Variants in WASHC5 observed in about 807,000 individuals in gnomAD.
WASHC5 encodes WASH complex subunit 5.
A neutral mutation model predicts 150.4 loss-of-function variants in WASHC5; 101 were observed. The observed-to-expected ratio is 0.67, with a 90% CI of 0.57 to 0.79. The LOEUF (loss-of-function observed/expected upper bound fraction) is 0.79. WASHC5 is among the 30% of genes least tolerant of loss of function. WASHC5 has a pLI of 0.00. For missense variants in WASHC5, 1,195 were observed against 1,396.3 expected (o/e 0.86, Z 2.30); for synonymous variants, 467 against 491.2 (o/e 0.95, Z 0.65).
chr8:125,079,114 GTGTATATATA>G (rs1817159354), intron 5 of WASHC5, among the ~76,000 whole-genome samples, 184 bp from the exon 6 acceptor site: 1 of 71,966 alleles, frequency 1.4e-5, no homozygotes, highest in African/African-American at 6.2e-5. Context: ...GTGTGTGTGT[GTGTATATATA>G]TATATATATA....
intron 1 of WASHC5, 97 bp from the exon 2 acceptor site, chr8:125,084,119 A>T (rs574187569): frequency 3.0e-5 from 16 of 538,778 alleles, no homozygotes; most frequent in African/African-American, 2.7e-4. Context: ...CACTAAAAAA[A>T]TTTTAAGAAA....
intron 10 of WASHC5, among the ~76,000 whole-genome samples, chr8:125,067,016 T>C (rs1816760240): frequency 1.3e-5 from 2 of 152,138 alleles, no homozygotes; most frequent in Admixed American, 6.5e-5. Flanking sequence ...TTTTTATTAG[T>C]GTGATTCTGT....
intron 9 of WASHC5, among the ~76,000 whole-genome samples, chr8:125,069,734 A>G (rs1329226854): frequency 4.6e-5 from 7 of 152,222 alleles, no homozygotes; most frequent in Non-Finnish European, 7.3e-5. Context: ...AATTTGCCAG[A>G]ACTATGTGGG....
chr8:125,024,755 C>G, intron 28 of WASHC5, 82 bp from the exon 29 acceptor site: 2 of 947,648 alleles, frequency 2.1e-6, no homozygotes, highest in Non-Finnish European at 3.4e-6. Context: ...AAAAGATATC[C>G]TTGGAGCAAG....
chr8:125,067,942 G>A (rs1019038849), intron 9 of WASHC5, among the ~76,000 whole-genome samples: 1 of 152,196 alleles, frequency 6.6e-6, no homozygotes, highest in East Asian at 1.9e-4. Flanking sequence ...TTGAAAGATT[G>A]TTGAATGACA....
At chr8:125,064,200 A>C (rs1816684050) in intron 10 of WASHC5, among the ~76,000 whole-genome samples, 2 of 151,654 alleles carry the variant, frequency 1.3e-5, no homozygotes, top group Admixed American at 6.6e-5. Flanking sequence ...GTTTATTGTT[A>C]TTTATTTATT....
At chr8:125,031,926 T>A (rs1815550975) in intron 27 of WASHC5, among the ~76,000 whole-genome samples, 1 of 152,132 alleles carries the variant, frequency 6.6e-6, no homozygotes, top group Non-Finnish European at 1.5e-5. Context: ...CTCGCTGAGA[T>A]TGAAGAGCTG....
intron 25 of WASHC5, 103 bp from the exon 26 acceptor site, chr8:125,037,436 T>A: frequency 1.3e-6 from 1 of 786,150 alleles, no homozygotes; most frequent in East Asian, 2.6e-5. Flanking sequence ...CAATTTGCTC[T>A]TTGGCTTTCC....
At position 125,073,326 on chromosome 8, in the gene WASHC5, T is replaced by C; in HGVS notation, c.979-2A>G. The stretch of plus-strand genomic sequence containing the variant: ...ACTGACAGTAGCATATCTGCTTGCC[T>C]TGACAAATAAGAAACTTGAATTACA... On this transcript the variant is annotated splice_acceptor_variant, in intron 8 of 28. Coordinates refer to ENST00000318410, the MANE Select transcript of WASHC5 (RefSeq NM_014846.4). LOFTEE classifies it high-confidence loss of function. 4 of 1,612,764 alleles carry C rather than the reference T, an allele frequency of 2.5e-6. No homozygotes were observed. The highest frequency in any genetic ancestry group is 3.4e-6 in the Non-Finnish European group (4 of 1,178,776).
Position 125,061,137 on chromosome 8 carries a change from T to C in WASHC5, c.1466A>G (p.Asp489Gly), listed in dbSNP as rs776172096. ...TTTTCTGCCCGCAGCAGTAGAATCA[T>C]CATAATTTAAAGACAATATTTGTTT... ...ISKQILSLNY[D>G]DSTAAGRKTV... The change falls in exon 12 of 29, where the codon GAT becomes GGT. Residue 489 changes from aspartate (D) to glycine (G), a missense_variant. By Grantham distance (94) the Asp-to-Gly change is moderately conservative (BLOSUM62 -1). Around this residue, in one of 3 missense-constraint regions of WASHC5, gnomAD observed 997 missense variants for 1,168.1 expected, o/e 0.85. Coordinates refer to ENST00000318410, the MANE Select transcript of WASHC5 (RefSeq NM_014846.4). 18 of 1,612,858 alleles carry C rather than the reference T, an allele frequency of 1.1e-5. No homozygotes were observed. In the East Asian group the frequency reaches 2.2e-4, roughly 20 times the overall value.
intron 26 of WASHC5, among the ~76,000 whole-genome samples, chr8:125,033,261 AACAG>A (rs1417407457): frequency 6.6e-6 from 1 of 152,236 alleles, no homozygotes; most frequent in Non-Finnish European, 1.5e-5. Flanking sequence ...ATGGCATAAG[AACAG>A]ACAAATAGAT....
chr8:125,026,947 T>C lies in WASHC5; in HGVS notation c.3423+1673A>G, dbSNP rs550752419. Among the ~76,000 whole-genome samples the C allele has an allele frequency of 1.9e-3, 296 of 152,314 alleles. 2 individuals carry two copies. Among genetic ancestry groups the C allele is most frequent in the African/African-American group, 6.5e-3 (271 of 41,592 alleles). On this transcript the variant is annotated intron_variant, in intron 28 of 28. Transcript: ENST00000318410. ...TTGTAACTGCAGTAAACCTATAAAC[T>C]AGATAGAACTATTATCTCTGTAATA...
intron 28 of WASHC5, among the ~76,000 whole-genome samples, chr8:125,025,456 G>A (rs1815351405): frequency 6.6e-6 from 1 of 152,184 alleles, no homozygotes; most frequent in Admixed American, 6.5e-5. Context: ...TTGGGAGGCT[G>A]AGGTGGGTGG....
chr8:125,070,201 G>T (rs1230594021), intron 9 of WASHC5, among the ~76,000 whole-genome samples: 2 of 152,180 alleles, frequency 1.3e-5, no homozygotes, highest in Non-Finnish European at 2.9e-5. Flanking sequence ...AATGCCTCCA[G>T]CAACTCAACA....
intron 26 of WASHC5, among the ~76,000 whole-genome samples, chr8:125,034,476 C>G (rs536139661): frequency 1.3e-5 from 2 of 152,030 alleles, no homozygotes; most frequent in South Asian, 4.2e-4. Context: ...GCACTTCAGC[C>G]TGGGTGACAG....
rs187575440 is a variant in WASHC5, at chr8:125,088,570, T to C, written c.-125+3045A>G. On this transcript the variant is annotated intron_variant, in intron 1 of 28. Coordinates refer to ENST00000318410, the MANE Select transcript of WASHC5 (RefSeq NM_014846.4). ...GTCCAGGGGAAGCAACATATCATGG[T>C]GTGAGAGAGCCCTGGGGAGAAGCCC... is the stretch of plus-strand genomic sequence containing the variant. 2.0e-3 allele frequency among the ~76,000 whole-genome samples: 297 copies of C among 151,980 alleles called. 1 individual carries two copies. The highest frequency in any genetic ancestry group is 3.6e-3 in the Non-Finnish European group (244 of 67,966).
chr8:125,055,293 T>C (rs1348807489), intron 17 of WASHC5, among the ~76,000 whole-genome samples: 1 of 152,074 alleles, frequency 6.6e-6, no homozygotes, highest in Non-Finnish European at 1.5e-5. Flanking sequence ...TGTGGTGTTG[T>C]ATGCCTGTAG....
intron 28 of WASHC5, among the ~76,000 whole-genome samples, chr8:125,026,613 G>C (rs537258720): frequency 1.3e-5 from 2 of 152,154 alleles, no homozygotes; most frequent in Admixed American, 6.5e-5. Flanking sequence ...GGACTAAGTT[G>C]CTATTTTTTT....
intron 27 of WASHC5, 55 bp downstream of exon 27, chr8:125,032,186 T>C: frequency 6.3e-7 from 1 of 1,596,482 alleles, no homozygotes; most frequent in Non-Finnish European, 8.6e-7. Flanking sequence ...AATGTGAGGT[T>C]TAAGTTAGGT....
Sources: gnomAD v4.1 joint callset for allele counts (sites outside exome capture counted in the v4.1 genomes callset) on GRCh38, gnomAD v4.1.1 for gene constraint, gnomAD v4.1.1 regional missense constraint, MANE v1.5 for transcripts, NCBI Gene and HGNC (gene_info 2026-07-23, HGNC 2026-07-21) for gene names.